MOK: variants seen among roughly 807,000 people sequenced by gnomAD.
MOK encodes MOK protein kinase.
In MOK, 59 loss-of-function variants were observed where a neutral mutation model predicts 54.2. The ratio of observed to expected loss-of-function variants is 1.09; its 90% CI spans 0.88 to 1.35. The LOEUF (loss-of-function observed/expected upper bound fraction) is 1.35, where lower values mean the gene tolerates loss of function less well. Among genes scored for constraint, MOK ranks in the 40% most tolerant of loss-of-function variants. MOK has a pLI of 0.00. For synonymous variants in MOK, 210 were observed against 202.7 expected (o/e 1.04, Z -0.31); for missense variants, 517 against 526.2 (o/e 0.98, Z 0.17).
intron 1 of MOK, among the ~76,000 whole-genome samples, chr14:102,293,706 A>C (rs1418692293): frequency 2.2e-3 from 294 of 132,490 alleles, no homozygotes; most frequent in African/African-American, 8.5e-3. Context: ...CATCACAAAA[A>C]AAAAAAAAAA....
At chr14:102,277,110 T>G (rs2068950071) in intron 2 of MOK, among the ~76,000 whole-genome samples, 1 of 150,446 alleles carries the variant, frequency 6.6e-6, no homozygotes, top group South Asian at 2.1e-4. Context: ...CAGCCTGGTC[T>G]CAAATTCCTG....
intron 1 of MOK, among the ~76,000 whole-genome samples, chr14:102,294,205 G>A (rs1031909647): frequency 2.0e-5 from 3 of 151,450 alleles, no homozygotes; most frequent in African/African-American, 7.4e-5. Flanking sequence ...CCAGCACTTT[G>A]GGAGGCCAAG....
chr14:102,265,900 G>C lies in MOK; in HGVS notation c.135C>G (p.Val45=). Residue 45 remains valine, a synonymous_variant, in exon 3 of 12, where the codon GTC becomes GTG. Transcript: ENST00000361847. ...MKQRFESIEQ[V]NNLREIQALR... ...GTGCTTGGATCTCTCGTAGGTTGTTGACTTGCTCAATACTATCGTGTAGGT... is the reference window on the plus strand; with the variant it reads ...GTGCTTGGATCTCTCGTAGGTTGTTCACTTGCTCAATACTATCGTGTAGGT... 1 of 1,613,430 alleles carries C rather than the reference G, an allele frequency of 6.2e-7. No individual in the cohort carries two copies. Among genetic ancestry groups the C allele is most frequent in the Non-Finnish European group, 8.5e-7 (1 of 1,179,452 alleles).
intron 3 of MOK, chr14:102,264,104 G>C (rs994438262): frequency 3.2e-5 from 5 of 153,962 alleles, no homozygotes; most frequent in Non-Finnish European, 5.7e-5. Flanking sequence ...CCAGCTGCTC[G>C]GGAGGCTGAA....
At chr14:102,275,365 C>T (rs1438506619) in intron 2 of MOK, among the ~76,000 whole-genome samples, 2 of 152,106 alleles carry the variant, frequency 1.3e-5, no homozygotes, top group Admixed American at 1.3e-4. Context: ...GAGATCGAGA[C>T]CATCCTGGCT....
chr14:102,241,433 G>T (rs1260240617), intron 7 of MOK, among the ~76,000 whole-genome samples: 1 of 152,184 alleles, frequency 6.6e-6, no homozygotes, highest in Non-Finnish European at 1.5e-5. Flanking sequence ...TCCTCTTAAG[G>T]AGGTGGCTGG....
In MOK at chr14:102,231,858, G is replaced by A. The variant is rs1241041314; in HGVS notation, c.867-37C>T. ...GAGAAGAGAATGGAGCAGCTCCACT[G>A]AGAGCCCGCAGAGCACACGGCCTAC... On this transcript the variant is annotated intron_variant, in intron 9 of 11. Coordinates refer to ENST00000361847, the MANE Select transcript of MOK (RefSeq NM_014226.3). This position sits in a 1 kb window ranked among gnomAD's most constrained non-coding sequence, Gnocchi z 4.4. The A allele has an allele frequency of 7.0e-6, 11 of 1,569,500 alleles. No individual in the cohort carries two copies. Among genetic ancestry groups the A allele is most frequent in the Non-Finnish European group, 9.6e-6 (11 of 1,142,230 alleles).
downstream of MOK, chr14:102,224,787 T>C: frequency 2.2e-6 from 1 of 455,972 alleles, no homozygotes; most frequent in Non-Finnish European, 4.4e-6. Context: ...AACTATGGAG[T>C]GAGTCTTCTA....
At chr14:102,259,824 T>A (rs1042760616) in intron 4 of MOK, among the ~76,000 whole-genome samples, 1 of 152,100 alleles carries the variant, frequency 6.6e-6, no homozygotes, top group Admixed American at 6.5e-5. Context: ...GGCGGGCAGA[T>A]CACGAGGTCA....
chr14:102,263,875 T>G, intron 3 of MOK: 1 of 315,422 alleles, frequency 3.2e-6, no homozygotes. Context: ...AATACATAAT[T>G]AATTATCAGC....
chr14:102,250,717 T>A, intron 7 of MOK, 95 bp downstream of exon 7: 1 of 1,188,994 alleles, frequency 8.4e-7, no homozygotes, highest in Non-Finnish European at 1.2e-6. Flanking sequence ...AAAACCAGAA[T>A]GACCATGACA....
In MOK at chr14:102,252,283, C is replaced by T. The variant is rs2153111696; in HGVS notation, c.284-288G>A. 1.3e-5 allele frequency among the ~76,000 whole-genome samples: 2 copies of T among 152,096 alleles called. 1 individual carries two copies. The highest frequency in any genetic ancestry group is 4.2e-4 in the South Asian group (2 of 4,818). ...CAGCCTGGCCAAAATGGTGAAACCC[C>T]ATATCTACTAAAAATACAAAAATTT... On this transcript the variant is annotated intron_variant, in intron 4 of 11. Transcript: ENST00000361847.
rs945260523 is a variant in MOK at position 102,232,374 on chromosome 14, C to T, written c.866+161G>A. 13 of 717,122 alleles carry T rather than the reference C, an allele frequency of 1.8e-5. No individual in the cohort carries two copies. The highest frequency in any genetic ancestry group is 1.6e-4 in the East Asian group (6 of 36,422). 44.4% of individuals were successfully genotyped at this position (717,122 alleles called of 1,614,324 possible). ...GGGGAGGATACACCAGAAGGCAGCA[C>T]GGTGTGGGCCCCAAGAGGCCCTGAC... On this transcript the variant is annotated intron_variant, in intron 9 of 11. Transcript: ENST00000361847. The surrounding 1 kb of genome is among the most constrained non-coding windows in gnomAD (Gnocchi z 5.1).
intron 1 of MOK, among the ~76,000 whole-genome samples, chr14:102,285,256 T>C (rs548824565): frequency 6.6e-6 from 1 of 152,120 alleles, no homozygotes; most frequent in African/African-American, 2.4e-5. Context: ...AACCTGCACC[T>C]GCACAAAGCA....
chr14:102,279,038 G>A (rs1298590324), intron 2 of MOK, among the ~76,000 whole-genome samples: 1 of 152,192 alleles, frequency 6.6e-6, no homozygotes. Context: ...CAGAGGCACG[G>A]AGAAATTAGG....
downstream of MOK, among the ~76,000 whole-genome samples, chr14:102,227,905 A>T (rs1347311744): frequency 2.6e-5 from 4 of 152,230 alleles, no homozygotes. Flanking sequence ...GGGAGCAAGG[A>T]GGCTTAAACA....
At chr14:102,222,808 ATGTAGACTGCTT>A (rs1567111616), downstream of MOK, 7 of 1,614,008 alleles carry the variant, frequency 4.3e-6, no homozygotes, top group Admixed American at 5.0e-5. This position sits in a 1 kb window ranked among gnomAD's most constrained non-coding sequence, Gnocchi z 4.4. Flanking sequence ...TGCTGGATTA[ATGTAGACTGCTT>A]TGTTTGCAGG....
chr14:102,228,050 C>T (rs1349103537), downstream of MOK, among the ~76,000 whole-genome samples: 1 of 152,256 alleles, frequency 6.6e-6, no homozygotes, highest in Non-Finnish European at 1.5e-5. Flanking sequence ...TTTTCTTGTG[C>T]CCAGCAGCCC....
At chr14:102,286,947 A>G (rs1404471582) in intron 1 of MOK, among the ~76,000 whole-genome samples, 16 of 150,116 alleles carry the variant, frequency 1.1e-4, no homozygotes, top group Non-Finnish European at 2.4e-4. Context: ...AATAATAATA[A>G]TGTCCTTAAA....
Sources: allele counts gnomAD v4.1 joint callset (sites outside exome capture counted in the v4.1 genomes callset), GRCh38; gene constraint gnomAD v4.1.1; non-coding constraint Gnocchi (gnomAD v3.1); transcripts MANE v1.5; gene names NCBI Gene and HGNC (gene_info 2026-07-23, HGNC 2026-07-21).